Variants in ASIC2 observed in about 807,000 individuals in gnomAD.
The protein encoded by ASIC2 is acid sensing ion channel subunit 2.
In ASIC2, 25 loss-of-function variants were observed where a neutral mutation model predicts 57.3. The ratio of observed to expected loss-of-function variants is 0.44; its 90% CI spans 0.32 to 0.61. ASIC2 has a LOEUF of 0.61. Among genes scored for constraint, ASIC2 ranks in the 20% least tolerant of loss-of-function variants. ASIC2 has a pLI of 0.06. For synonymous variants in ASIC2, 319 were observed against 307.5 expected, an observed-to-expected ratio of 1.04 and a Z score of -0.39; for missense variants, 641 against 738.1, an observed-to-expected ratio of 0.87 and a Z score of 1.52.
At chr17:33,539,348 CT>C (rs1013928774) in intron 1 of ASIC2, among the ~76,000 whole-genome samples, 5 of 152,246 alleles carry the variant, frequency 3.3e-5, no homozygotes, top group African/African-American at 1.2e-4. Flanking sequence ...TTGGCGCCTG[CT>C]TTTCTTGCCC....
At chr17:33,616,951 G>A (rs917458188) in intron 1 of ASIC2, among the ~76,000 whole-genome samples, 2 of 152,156 alleles carry the variant, frequency 1.3e-5, no homozygotes, top group African/African-American at 4.8e-5. Flanking sequence ...GAAAAACAAC[G>A]ATGCCTCTCT....
intron 1 of ASIC2, among the ~76,000 whole-genome samples, chr17:34,095,720 TAGAG>T (rs1045165363): frequency 1.3e-4 from 19 of 141,928 alleles, no homozygotes; most frequent in Admixed American, 3.6e-4. Context: ...ATTTTATATA[TAGAG>T]AGATATATAT....
In ASIC2 at chr17:33,247,472, A is replaced by T. The variant is rs547520856; in HGVS notation, c.708+43936T>A. 5.9e-5 allele frequency among the ~76,000 whole-genome samples: 9 copies of T among 152,264 alleles called. No individual in the cohort carries two copies. The South Asian group carries it at 1.9e-3, about 32-fold the overall frequency. ...ATTTGGTTTTCATGAAACTTTGTGA[A>T]TCCAAAAAGAAAAAAAAAGAAAACC... is the stretch of plus-strand genomic sequence containing the variant. On this transcript the variant is annotated intron_variant, in intron 1 of 9. Transcript: ENST00000225823.
At chr17:33,750,678 G>A (rs1000129564) in intron 1 of ASIC2, among the ~76,000 whole-genome samples, 2 of 152,096 alleles carry the variant, frequency 1.3e-5, no homozygotes, top group Admixed American at 1.3e-4. Flanking sequence ...ATAATGCTTT[G>A]TTTGTTTTGT....
At chr17:33,181,320 T>C (rs900443782) in intron 1 of ASIC2, among the ~76,000 whole-genome samples, 3 of 152,176 alleles carry the variant, frequency 2.0e-5, no homozygotes, top group African/African-American at 7.2e-5. Context: ...ATAAACACTT[T>C]TAATAACACT....
chr17:33,353,405 C>T (rs1264300227), intron 1 of ASIC2, among the ~76,000 whole-genome samples: 1 of 152,188 alleles, frequency 6.6e-6, no homozygotes, highest in Admixed American at 6.5e-5. Context: ...GGTGCAATCA[C>T]TGCTCACTGC....
At chr17:33,335,573 G>C (rs1057498096) in intron 1 of ASIC2, among the ~76,000 whole-genome samples, 1 of 16,308 alleles carries the variant, frequency 6.1e-5, no homozygotes, top group African/African-American at 1.4e-4. Flanking sequence ...GAGGTAGAAG[G>C]GTGAGTCAAT....
intron 1 of ASIC2, among the ~76,000 whole-genome samples, chr17:33,747,557 G>A (rs560224740): frequency 4.6e-5 from 7 of 152,218 alleles, no homozygotes; most frequent in Admixed American, 3.3e-4. Context: ...CTGGAGATCC[G>A]TTGTTTATGC....
intron 1 of ASIC2, among the ~76,000 whole-genome samples, chr17:33,422,704 T>C (rs1179475985): frequency 6.6e-6 from 1 of 152,184 alleles, no homozygotes; most frequent in Non-Finnish European, 1.5e-5. Context: ...GACTTAATCC[T>C]AATGCCTCTT....
At chr17:33,153,335 T>C (rs1904874914) in intron 1 of ASIC2, among the ~76,000 whole-genome samples, 1 of 152,220 alleles carries the variant, frequency 6.6e-6, no homozygotes, top group African/African-American at 2.4e-5. Context: ...TTGGCTTTAT[T>C]TGCAGGGGTG....
At chr17:33,868,692 T>C (rs1914309982) in intron 1 of ASIC2, among the ~76,000 whole-genome samples, 1 of 152,056 alleles carries the variant, frequency 6.6e-6, no homozygotes, top group Non-Finnish European at 1.5e-5. Context: ...CTTTTGTAAA[T>C]CACGTACCTA....
At chr17:33,647,269 G>A (rs1013432669) in intron 1 of ASIC2, among the ~76,000 whole-genome samples, 14 of 152,126 alleles carry the variant, frequency 9.2e-5, no homozygotes, top group African/African-American at 3.1e-4. Context: ...GTATGTCAAG[G>A]ATCCAGCCCA....
At chr17:33,589,362 A>G (rs946546980) in intron 1 of ASIC2, among the ~76,000 whole-genome samples, 3 of 152,248 alleles carry the variant, frequency 2.0e-5, no homozygotes, top group African/African-American at 7.2e-5. Context: ...CTGTGGTAAA[A>G]TAAACATAAC....
chr17:33,242,428 C>A (rs915187331), intron 1 of ASIC2, among the ~76,000 whole-genome samples: 1 of 152,124 alleles, frequency 6.6e-6, no homozygotes, highest in Non-Finnish European at 1.5e-5. Context: ...AGCACTATGA[C>A]CAGTTCTTTC....
intron 1 of ASIC2, among the ~76,000 whole-genome samples, chr17:33,373,017 T>A (rs1909139461): frequency 6.6e-6 from 1 of 152,182 alleles, no homozygotes; most frequent in Non-Finnish European, 1.5e-5. Flanking sequence ...GGGGTTCTGA[T>A]GCTTTGGGCA....
chr17:34,078,226 A>G (rs548285351), intron 1 of ASIC2, among the ~76,000 whole-genome samples: 1 of 152,236 alleles, frequency 6.6e-6, no homozygotes, highest in Admixed American at 6.5e-5. Flanking sequence ...CTTTCTCTCT[A>G]AACAGTGAGT....
intron 1 of ASIC2, among the ~76,000 whole-genome samples, chr17:34,000,346 G>T (rs942030013): frequency 6.7e-6 from 1 of 149,956 alleles, no homozygotes; most frequent in African/African-American, 2.5e-5. Context: ...CCACCTCCTG[G>T]GTTCAAGCAA....
At chr17:33,107,104 G>A (rs1034065312) in intron 2 of ASIC2, among the ~76,000 whole-genome samples, 1 of 152,198 alleles carries the variant, frequency 6.6e-6, no homozygotes, top group South Asian at 2.1e-4. Flanking sequence ...ATAACCCACC[G>A]CCTATTCCTT....
intron 1 of ASIC2, among the ~76,000 whole-genome samples, chr17:33,981,239 C>G (rs531912862): frequency 3.3e-5 from 5 of 152,108 alleles, no homozygotes; most frequent in African/African-American, 1.2e-4. Context: ...CGTGAGCCAC[C>G]GCACCCAGCC....
Sources: gnomAD v4.1 joint callset for allele counts (sites outside exome capture counted in the v4.1 genomes callset) on GRCh38, gnomAD v4.1.1 for gene constraint, MANE v1.5 for transcripts, NCBI Gene and HGNC (gene_info 2026-07-23, HGNC 2026-07-21) for gene names.